Variants in PRUNE1 observed in about 807,000 individuals in gnomAD.
PRUNE1 encodes exopolyphosphatase PRUNE1.
PRUNE1 carries 25 observed loss-of-function variants against 42.5 expected under a neutral mutation model. The observed-to-expected ratio is 0.59, with a 90% CI of 0.43 to 0.82. The LOEUF is 0.82. PRUNE1 is among the 40% of genes least tolerant of loss of function. The pLI, the probability that PRUNE1 is intolerant of heterozygous loss-of-function variation, is 0.00. For synonymous variants in PRUNE1, 203 were observed against 217.1 expected (o/e 0.93, Z 0.57); for missense variants, 443 against 539.3 (o/e 0.82, Z 1.77).
At chr1:151,018,375 C>G in intron 2 of PRUNE1, 92 bp from the exon 3 acceptor site, 1 of 1,122,184 alleles carries the variant, frequency 8.9e-7, no homozygotes, top group Non-Finnish European at 1.3e-6. Context: ...TGGTAACTTA[C>G]CTAAGTATGT....
chr1:151,030,704 T>C (rs1675190550), intron 7 of PRUNE1, among the ~76,000 whole-genome samples: 1 of 152,158 alleles, frequency 6.6e-6, no homozygotes, highest in Admixed American at 6.6e-5. Flanking sequence ...CAGGCAGGTC[T>C]CGAACTCCTG....
chr1:151,033,422 G>C (rs1258201167), intron 7 of PRUNE1, among the ~76,000 whole-genome samples: 1 of 119,448 alleles, frequency 8.4e-6, no homozygotes, highest in Non-Finnish European at 1.7e-5. Flanking sequence ...ATGCAGTGTT[G>C]CTCTGTCGCC....
intron 1 of PRUNE1, among the ~76,000 whole-genome samples, chr1:151,011,783 A>T (rs1401123379): frequency 2.1e-5 from 3 of 145,322 alleles, no homozygotes; most frequent in African/African-American, 2.5e-5. Context: ...TAATTAATTA[A>T]TTTTTTTTTT....
At chr1:151,028,723 C>A in intron 6 of PRUNE1, 63 bp from the exon 7 acceptor site, 1 of 1,559,858 alleles carries the variant, frequency 6.4e-7, no homozygotes, top group Non-Finnish European at 8.8e-7. Flanking sequence ...GTGCCCGGCC[C>A]AAGGATGTTT....
rs766020557 is a variant in PRUNE1, at chr1:151,033,965, T to G, written c.1093T>G (p.Ser365Ala). 1 of 1,614,102 alleles carries G rather than the reference T, an allele frequency of 6.2e-7. No homozygotes were observed. Among genetic ancestry groups the G allele is most frequent in the Non-Finnish European group, 8.5e-7 (1 of 1,179,984 alleles). Residue 365 changes from serine (S) to alanine (A), a missense_variant, in exon 8 of 8, where the codon TCC (serine) becomes GCC (alanine). By Grantham distance (99) the Ser-to-Ala change is moderately conservative (BLOSUM62 1). Coordinates refer to ENST00000271620, the MANE Select transcript of PRUNE1 (RefSeq NM_021222.3). Reference sequence around the variant, plus strand: ...GGAAGCCCTGTCAGCATATTTTGACTCCATGAAGATCCCTTCAGGACAGCC... The same window carrying G: ...GGAAGCCCTGTCAGCATATTTTGACGCCATGAAGATCCCTTCAGGACAGCC... ...LQEALSAYFDSMKIPSGQPET... is the reference protein window; with the variant it reads ...LQEALSAYFDAMKIPSGQPET...
At position 151,027,781 on chromosome 1, in the gene PRUNE1, T is replaced by TGTGC. The variant is rs764369341; in HGVS notation, c.774+455_774+456insTGCG. Among the ~76,000 whole-genome samples, 1,409 of 142,542 alleles carry TGTGC rather than the reference T, an allele frequency of 9.9e-3. 6 individuals are homozygous for TGTGC. Among genetic ancestry groups the TGTGC allele is most frequent in the South Asian group, 0.024 (103 of 4,378 alleles). 93.5% of individuals were successfully genotyped at this position (142,542 alleles called of 152,430 possible). A position where few individuals can be genotyped will look rare whatever the true frequency, so the allele number is the denominator to read the frequency against. ...GTGTGTGTGTGTGTGTGTGTGTGTG[T>TGTGC]GCGCGCGCGTGTATGTATGTGTCGA... On this transcript the variant is annotated intron_variant, in intron 6 of 7. Coordinates refer to ENST00000271620, the MANE Select transcript of PRUNE1 (RefSeq NM_021222.3).
chr1:151,033,024 T>C (rs1571821960), intron 7 of PRUNE1, among the ~76,000 whole-genome samples: 1 of 152,072 alleles, frequency 6.6e-6, no homozygotes, highest in East Asian at 1.9e-4. Context: ...TCCGCCCACC[T>C]TGGCCTCCCA....
At chr1:151,025,412 A>G in intron 4 of PRUNE1, 103 bp from the exon 5 acceptor site, 10 of 1,193,162 alleles carry the variant, frequency 8.4e-6, no homozygotes, top group Admixed American at 2.8e-5. Context: ...TTGCTATACA[A>G]ATCTCCTTGT....
At chr1:151,019,556 CA>C (rs61399605) in intron 3 of PRUNE1, among the ~76,000 whole-genome samples, 4,154 of 106,218 alleles carry the variant, frequency 0.039, 43 homozygotes, top group African/African-American at 0.064. Flanking sequence ...GACCCTGTCT[CA>C]AAAAAAAAAA....
At chr1:151,028,730 G>A in intron 6 of PRUNE1, 56 bp from the exon 7 acceptor site, 3 of 1,576,298 alleles carry the variant, frequency 1.9e-6, no homozygotes, top group Non-Finnish European at 2.6e-6. Context: ...GCCCAAGGAT[G>A]TTTTATTGAT....
intron 1 of PRUNE1, among the ~76,000 whole-genome samples, chr1:151,009,788 AAAAC>A (rs1206316109): frequency 6.6e-6 from 1 of 152,242 alleles, no homozygotes; most frequent in East Asian, 1.9e-4. Context: ...TTCCTTGTGA[AAAAC>A]AAATTTGGGG....
At chr1:151,019,135 C>T (rs1674273568) in intron 3 of PRUNE1, among the ~76,000 whole-genome samples, 1 of 152,146 alleles carries the variant, frequency 6.6e-6, no homozygotes, top group South Asian at 2.1e-4. Context: ...AAAATATTGT[C>T]AGTTCTGCAG....
chr1:151,033,199 C>T (rs1256942644), intron 7 of PRUNE1, among the ~76,000 whole-genome samples: 1 of 150,508 alleles, frequency 6.6e-6, no homozygotes, highest in East Asian at 2.0e-4. Context: ...GATTCTCCTG[C>T]CTCAGCCTCC....
chr1:151,023,910 C>T (rs587635750), intron 3 of PRUNE1, among the ~76,000 whole-genome samples: 24 of 151,860 alleles, frequency 1.6e-4, no homozygotes, highest in African/African-American at 5.3e-4. Context: ...TTGCTGGGCG[C>T]GGTGGCTCAC....
chr1:151,012,422 G>A (rs1377978857), intron 1 of PRUNE1, among the ~76,000 whole-genome samples: 3 of 152,128 alleles, frequency 2.0e-5, no homozygotes, highest in Non-Finnish European at 4.4e-5. Context: ...ATTCTCATAA[G>A]CGTCCCAGTT....
intron 7 of PRUNE1, among the ~76,000 whole-genome samples, chr1:151,031,430 AC>A (rs1675243985): frequency 6.6e-6 from 1 of 151,882 alleles, no homozygotes; most frequent in Non-Finnish European, 1.5e-5. Context: ...CAAGTGATCC[AC>A]CAGCCTCAGC....
intron 3 of PRUNE1, among the ~76,000 whole-genome samples, chr1:151,023,201 C>T (rs1007364468): frequency 6.6e-6 from 1 of 151,954 alleles, no homozygotes; most frequent in African/African-American, 2.4e-5. Flanking sequence ...TTTCTTTTTT[C>T]AAATGATCAT....
chr1:151,033,082 A>C (rs1206348935), intron 7 of PRUNE1, among the ~76,000 whole-genome samples: 1 of 122,098 alleles, frequency 8.2e-6, no homozygotes, highest in African/African-American at 3.2e-5. Flanking sequence ...CCTCAAGGAT[A>C]ACTTACTTTT....
intron 1 of PRUNE1, among the ~76,000 whole-genome samples, chr1:151,015,274 A>C (rs1674027805): frequency 6.7e-6 from 1 of 149,182 alleles, no homozygotes; most frequent in South Asian, 2.2e-4. Flanking sequence ...CAGAGGTTGC[A>C]GTGAGCCCAG....
Sources: gnomAD v4.1 joint callset for allele counts (sites outside exome capture counted in the v4.1 genomes callset) on GRCh38, gnomAD v4.1.1 for gene constraint, MANE v1.5 for transcripts, NCBI Gene and HGNC (gene_info 2026-07-23, HGNC 2026-07-21) for gene names.